Variants in ADAMDEC1 observed in about 807,000 individuals in gnomAD.
ADAMDEC1 encodes ADAM DEC1.
ADAMDEC1 carries 62 observed loss-of-function variants against 60.4 expected under a neutral mutation model. The observed-to-expected ratio is 1.03, with a 90% CI of 0.84 to 1.27. The LOEUF is 1.27. ADAMDEC1 is among the 50% of genes most tolerant of loss of function. The pLI is 0.00. For synonymous variants in ADAMDEC1, 210 were observed against 195.1 expected (o/e 1.08, Z -0.64); for missense variants, 595 against 565.0 (o/e 1.05, Z -0.54).
chr8:24,386,933 A>T (rs1298547867), intron 1 of ADAMDEC1, among the ~76,000 whole-genome samples: 2 of 152,076 alleles, frequency 1.3e-5, no homozygotes, highest in African/African-American at 4.8e-5. Flanking sequence ...AGGCCAATTG[A>T]TTCTGGTTGG....
Position 24,400,840 on chromosome 8 carries a change from A to G in ADAMDEC1, c.1142+540A>G, listed in dbSNP as rs565950648. ...TGTGATGTTCCCCTTCCTGTGTCCAAGTGTTCTCATTGTTCAATTCCCACC... is the reference window on the plus strand; with the variant it reads ...TGTGATGTTCCCCTTCCTGTGTCCAGGTGTTCTCATTGTTCAATTCCCACC... On this transcript the variant is annotated intron_variant, in intron 11 of 13. Transcript: ENST00000256412. 8.4e-5 allele frequency among the ~76,000 whole-genome samples: 11 copies of G among 130,916 alleles called. No homozygotes were observed. The South Asian group carries it at 2.6e-3, about 32-fold the overall frequency. 85.9% of individuals were successfully genotyped at this position (130,916 alleles called of 152,430 possible). A position where few individuals can be genotyped will look rare whatever the true frequency, so the allele number is the denominator to read the frequency against.
chr8:24,387,959 G>C (rs576660249), intron 1 of ADAMDEC1: 2 of 152,772 alleles, frequency 1.3e-5, no homozygotes, highest in Admixed American at 6.5e-5. Flanking sequence ...GGAGCTGCTT[G>C]CTTTTATTCA....
intron 1 of ADAMDEC1, among the ~76,000 whole-genome samples, chr8:24,390,409 T>A (rs886130265): frequency 2.0e-5 from 3 of 152,190 alleles, no homozygotes; most frequent in African/African-American, 7.2e-5. Flanking sequence ...TGTTTGACTA[T>A]CATTTTGATA....
intron 10 of ADAMDEC1, 138 bp downstream of exon 10, chr8:24,399,612 T>A (rs1817710145): frequency 3.9e-6 from 3 of 776,878 alleles, no homozygotes. Flanking sequence ...TGGTAGGTCA[T>A]TGCACTGAAG....
rs763617875 is a variant in ADAMDEC1 at position 24,384,511 on chromosome 8, C to A, written c.7C>A (p.Arg3Ser). The change falls in exon 1 of 14, where the codon CGT becomes AGT. Residue 3 changes from arginine (R) to serine (S), a missense_variant. Arg to Ser is a moderately radical substitution (Grantham distance 110). Coordinates refer to ENST00000256412, the MANE Select transcript of ADAMDEC1 (RefSeq NM_014479.3). ML[R>S]GISQLPAVAT... ...CTGGGGAGACCACAACTTCATGCTGCGTGGGATCTCCCAGCTACCTGCAGT... is the reference window on the plus strand; with the variant it reads ...CTGGGGAGACCACAACTTCATGCTGAGTGGGATCTCCCAGCTACCTGCAGT... 1 of 1,606,866 alleles carries A rather than the reference C, an allele frequency of 6.2e-7. No individual in the cohort carries two copies. Among genetic ancestry groups the A allele is most frequent in the African/African-American group, 1.3e-5 (1 of 74,812 alleles).
intron 12 of ADAMDEC1, 26 bp downstream of exon 12, chr8:24,402,118 C>T: frequency 6.5e-7 from 1 of 1,538,764 alleles, no homozygotes; most frequent in Non-Finnish European, 8.8e-7. Flanking sequence ...ATTATTGGGG[C>T]AGAAGAATTA....
At chr8:24,390,827 G>A (rs1314323678) in intron 1 of ADAMDEC1, among the ~76,000 whole-genome samples, 1 of 151,926 alleles carries the variant, frequency 6.6e-6, no homozygotes, top group Non-Finnish European at 1.5e-5. Context: ...ATCTTGCGAA[G>A]GTTTTTGGCT....
intron 1 of ADAMDEC1, chr8:24,390,179 T>C (rs1304296427): frequency 9.1e-7 from 1 of 1,098,332 alleles, no homozygotes; most frequent in East Asian, 5.9e-5. Context: ...ATTTGTGAAA[T>C]GAATATTTCA....
chr8:24,391,150 T>C (rs1320555677), intron 1 of ADAMDEC1, among the ~76,000 whole-genome samples: 1 of 152,156 alleles, frequency 6.6e-6, no homozygotes, highest in East Asian at 1.9e-4. Context: ...AGGAGGGAAT[T>C]CTTGCTTTGT....
At chr8:24,384,763 T>C (rs1211698414) in intron 1 of ADAMDEC1, among the ~76,000 whole-genome samples, 171 bp downstream of exon 1, 1 of 152,204 alleles carries the variant, frequency 6.6e-6, no homozygotes, top group Non-Finnish European at 1.5e-5. Flanking sequence ...TACATAAGTA[T>C]GTGTATCTTT....
rs775157853 is a variant in ADAMDEC1, at chr8:24,392,310, G to A, written c.137G>A (p.Cys46Tyr). ...TPELTLHEIV[C>Y]PKKLHILHKR... ...GAATTAACGCTCCATGAAATAGTTT[G>A]TCCTAAAAAACTTCACATTTTACAC... The change falls in exon 2 of 14, where the codon TGT (cysteine) becomes TAT (tyrosine). Residue 46 changes from cysteine to tyrosine, a missense_variant. Physicochemically the swap from Cys to Tyr is radical, Grantham distance 194 (BLOSUM62 -2). Transcript: ENST00000256412. 1.9e-6 allele frequency: 3 copies of A among 1,611,332 alleles called. No homozygotes were observed. Among genetic ancestry groups the A allele is most frequent in the Non-Finnish European group, 2.5e-6 (3 of 1,178,706 alleles).
intron 4 of ADAMDEC1, among the ~76,000 whole-genome samples, chr8:24,394,811 T>A (rs1817563181): frequency 6.6e-6 from 1 of 152,218 alleles, no homozygotes; most frequent in African/African-American, 2.4e-5. Context: ...TTCATGAACA[T>A]CTGAATTTTT....
rs1454514954 is a variant in ADAMDEC1 at position 24,405,886 on chromosome 8, A to T, written c.*588A>T. On this transcript the variant is annotated 3_prime_UTR_variant, in exon 14 of 14. Transcript: ENST00000256412. ...TTTATCATGTATATCCTATACACAC[A>T]TCTCCTTCATCATCATATATGAAGT... 1 of 152,172 alleles carries T rather than the reference A, an allele frequency of 6.6e-6. No individual in the cohort carries two copies. Among genetic ancestry groups the T allele is most frequent in the African/African-American group, 2.4e-5 (1 of 41,440 alleles). 9.4% of individuals were successfully genotyped at this position (152,172 alleles called of 1,614,324 possible).
At chr8:24,401,794 A>C in intron 11 of ADAMDEC1, 121 bp from the exon 12 acceptor site, 1 of 909,734 alleles carries the variant, frequency 1.1e-6, no homozygotes, top group Non-Finnish European at 1.6e-6. Context: ...TGGAATTTCC[A>C]TTGAGCTCGG....
chr8:24,399,610 C>A, intron 10 of ADAMDEC1, 136 bp downstream of exon 10: 1 of 783,046 alleles, frequency 1.3e-6, no homozygotes, highest in Non-Finnish European at 2.2e-6. Context: ...ACTGGTAGGT[C>A]ATTGCACTGA....
chr8:24,403,638 A>G (rs867608204), intron 12 of ADAMDEC1, among the ~76,000 whole-genome samples: 1 of 152,134 alleles, frequency 6.6e-6, no homozygotes, highest in Admixed American at 6.6e-5. Flanking sequence ...GGAAATGTAT[A>G]TATAAAGTTC....
At chr8:24,401,339 T>G (rs1563357601) in intron 11 of ADAMDEC1, among the ~76,000 whole-genome samples, 1 of 152,172 alleles carries the variant, frequency 6.6e-6, no homozygotes, top group Non-Finnish European at 1.5e-5. Flanking sequence ...TCTCATTATG[T>G]TGATGACAGG....
chr8:24,393,859 A>T (rs1186575001), intron 3 of ADAMDEC1, among the ~76,000 whole-genome samples: 2 of 152,200 alleles, frequency 1.3e-5, no homozygotes, highest in African/African-American at 4.8e-5. Flanking sequence ...TGGGAAGAAG[A>T]TGAGGGGACT....
chr8:24,403,948 T>G, intron 12 of ADAMDEC1, 55 bp from the exon 13 acceptor site: 3 of 1,446,362 alleles, frequency 2.1e-6, no homozygotes, highest in Non-Finnish European at 2.9e-6. Flanking sequence ...TATCACCTAG[T>G]CTATGGGAAG....
Sources: gnomAD v4.1 joint callset for allele counts (sites outside exome capture counted in the v4.1 genomes callset) on GRCh38, gnomAD v4.1.1 for gene constraint, MANE v1.5 for transcripts, NCBI Gene and HGNC (gene_info 2026-07-23, HGNC 2026-07-21) for gene names.